The following NDUFAB1 variants were observed in gnomAD, a reference collection of about 807,000 sequenced individuals.
The protein encoded by NDUFAB1 is acyl carrier protein, mitochondrial.
NDUFAB1 carries 5 observed loss-of-function variants against 16.1 expected under a neutral mutation model. The observed-to-expected ratio is 0.31, with a 90% CI of 0.16 to 0.65. The LOEUF (loss-of-function observed/expected upper bound fraction) is 0.65, where lower values mean the gene tolerates loss of function less well. NDUFAB1 is among the 30% of genes least tolerant of loss of function. The pLI is 0.77. For missense variants in NDUFAB1, 187 were observed against 205.3 expected (o/e 0.91, Z 0.54); for synonymous variants, 85 against 78.4 (o/e 1.08, Z -0.44).
chr16:23,593,916 T>TG (rs954506363), intron 1 of NDUFAB1, among the ~76,000 whole-genome samples: 3 of 151,992 alleles, frequency 2.0e-5, no homozygotes, highest in Non-Finnish European at 2.9e-5. Context: ...AGTCTGGCTC[T>TG]GTCGCCCAGG....
intron 1 of NDUFAB1, chr16:23,590,755 G>A (rs985801671): frequency 6.7e-6 from 1 of 149,992 alleles, no homozygotes; most frequent in African/African-American, 2.5e-5. Flanking sequence ...TTATGCCTCT[G>A]CCTCCCAAGT....
chr16:23,592,587 T>C (rs1966290020), intron 1 of NDUFAB1, among the ~76,000 whole-genome samples: 1 of 152,172 alleles, frequency 6.6e-6, no homozygotes, highest in African/African-American at 2.4e-5. Context: ...CCCATAGAAC[T>C]GCTGGAAATT....
intron 1 of NDUFAB1, chr16:23,591,079 G>C (rs1966275680): frequency 1.3e-5 from 2 of 152,068 alleles, no homozygotes; most frequent in South Asian, 4.2e-4. Flanking sequence ...GGGAAGGTTA[G>C]GTATCCTCCT....
At chr16:23,588,686 G>A (rs1317971806) in intron 1 of NDUFAB1, among the ~76,000 whole-genome samples, 1 of 152,058 alleles carries the variant, frequency 6.6e-6, no homozygotes, top group Non-Finnish European at 1.5e-5. Context: ...CTTGCATAAA[G>A]AACAGGTATT....
intron 1 of NDUFAB1, chr16:23,595,342 C>T (rs1966315063): frequency 3.0e-6 from 1 of 336,890 alleles, no homozygotes; most frequent in Admixed American, 4.0e-5. Flanking sequence ...TCAGCTCAAG[C>T]TATATACTAC....
At chr16:23,594,628 A>G (rs1471311339) in intron 1 of NDUFAB1, among the ~76,000 whole-genome samples, 1 of 152,112 alleles carries the variant, frequency 6.6e-6, no homozygotes, top group African/African-American at 2.4e-5. Context: ...CTGGGATTAC[A>G]GGCATAAGCC....
chr16:23,587,103 G>A, intron 2 of NDUFAB1, 94 bp downstream of exon 2: 2 of 1,296,928 alleles, frequency 1.5e-6, no homozygotes, highest in Non-Finnish European at 2.2e-6. Flanking sequence ...GGGAGCCAGG[G>A]AGATTTTTAC....
intron 1 of NDUFAB1, among the ~76,000 whole-genome samples, chr16:23,590,391 T>C (rs1334671377): frequency 1.3e-5 from 2 of 152,152 alleles, no homozygotes; most frequent in African/African-American, 4.8e-5. Flanking sequence ...ACCTTCTACA[T>C]CTCAGTTTCC....
At chr16:23,588,221 A>G (rs1966249478) in intron 1 of NDUFAB1, among the ~76,000 whole-genome samples, 1 of 152,128 alleles carries the variant, frequency 6.6e-6, no homozygotes, top group Non-Finnish European at 1.5e-5. Context: ...TTGGGAGGCC[A>G]CGGTGAGCAG....
intron 1 of NDUFAB1, 65 bp downstream of exon 1, chr16:23,596,058 C>T: frequency 1.3e-6 from 2 of 1,533,774 alleles, no homozygotes; most frequent in East Asian, 2.4e-5. Context: ...GGATGCCCGG[C>T]CCCCACCCCC....
At chr16:23,592,640 A>T (rs1966290405) in intron 1 of NDUFAB1, among the ~76,000 whole-genome samples, 1 of 135,146 alleles carries the variant, frequency 7.4e-6, no homozygotes, top group African/African-American at 2.8e-5. Context: ...TTCGGGGCCT[A>T]CCTGGATCAA....
chr16:23,595,591 T>C (rs748626526), intron 1 of NDUFAB1: 4 of 456,084 alleles, frequency 8.8e-6, no homozygotes, highest in South Asian at 4.6e-5. Flanking sequence ...GTCACTTGGC[T>C]TGTTTCCTAG....
At chr16:23,584,968 G>C (rs1437172486) in intron 3 of NDUFAB1, among the ~76,000 whole-genome samples, 1 of 152,224 alleles carries the variant, frequency 6.6e-6, no homozygotes, top group Non-Finnish European at 1.5e-5. Context: ...CTTCTACCTG[G>C]TTCGCGTTAC....
At chr16:23,586,020 C>T (rs1012376468) in intron 2 of NDUFAB1, among the ~76,000 whole-genome samples, 1 of 152,176 alleles carries the variant, frequency 6.6e-6, no homozygotes, top group Non-Finnish European at 1.5e-5. Context: ...CTCGGCCTCC[C>T]GGGTTCAAGC....
At chr16:23,595,428 C>A (rs1454392144) in intron 1 of NDUFAB1, 5 of 382,548 alleles carry the variant, frequency 1.3e-5, no homozygotes, top group Non-Finnish European at 2.1e-5. Context: ...CGCACACTCA[C>A]GTCCCGCAGT....
At chr16:23,592,581 T>C (rs904626489) in intron 1 of NDUFAB1, among the ~76,000 whole-genome samples, 11 of 152,130 alleles carry the variant, frequency 7.2e-5, no homozygotes, top group Non-Finnish European at 1.5e-4. Flanking sequence ...CCATGCCCCA[T>C]AGAACTGCTG....
chr16:23,585,393 G>A lies in NDUFAB1; in HGVS notation c.322C>T (p.Leu108=), dbSNP rs1026624282. ...LSVNSHFMKD[L]GLDSLDQVEI... ...ACTTGGTCCAAACTGTCTAAGCCCAGGTCTTTCATAAAATGAGAATTTACT... is the reference window on the plus strand; with the variant it reads ...ACTTGGTCCAAACTGTCTAAGCCCAAGTCTTTCATAAAATGAGAATTTACT... The change falls in exon 3 of 5, where the codon CTG becomes TTG. Residue 108 remains leucine (L), a synonymous_variant. Coordinates refer to ENST00000007516, the MANE Select transcript of NDUFAB1 (RefSeq NM_005003.3). The A allele has an allele frequency of 6.2e-7, 1 of 1,613,786 alleles. No individual in the cohort carries two copies. The highest frequency in any genetic ancestry group is 8.5e-7 in the Non-Finnish European group (1 of 1,179,868).
At chr16:23,591,641 C>G (rs1023158190) in intron 1 of NDUFAB1, among the ~76,000 whole-genome samples, 5 of 152,148 alleles carry the variant, frequency 3.3e-5, no homozygotes, top group African/African-American at 1.2e-4. Context: ...GCAGAGAATA[C>G]CCACAATTCC....
In NDUFAB1 at chr16:23,585,358, G is replaced by C; in HGVS notation, c.357C>G (p.Ile119Met). ...TACCAAATTCGTCTTCCATGGCCAT[G>C]ATAATCTCCACTTGGTCCAAACTGT... The part of the protein sequence containing the change: ...GLDSLDQVEI[I>M]MAMEDEFGFE... The change falls in exon 3 of 5, where the codon ATC (isoleucine) becomes ATG (methionine). Residue 119 changes from isoleucine (I) to methionine (M), a missense_variant. Around this residue, in one of 3 missense-constraint regions of NDUFAB1, gnomAD observed 20 missense variants for 47.1 expected, o/e 0.42. Transcript: ENST00000007516. The C allele has an allele frequency of 1.9e-6, 3 of 1,613,426 alleles. No homozygotes were observed. Among genetic ancestry groups the C allele is most frequent in the Non-Finnish European group, 2.5e-6 (3 of 1,179,394 alleles).
Sources: allele counts gnomAD v4.1 joint callset (sites outside exome capture counted in the v4.1 genomes callset), GRCh38; gene constraint gnomAD v4.1.1; regional missense constraint gnomAD v4.1.1; transcripts MANE v1.5; gene names NCBI Gene and HGNC (gene_info 2026-07-23, HGNC 2026-07-21).